MDH1B: variants seen among roughly 807,000 people sequenced by gnomAD.
MDH1B encodes the protein putative malate dehydrogenase 1B.
A neutral mutation model predicts 61.4 loss-of-function variants in MDH1B; 60 were observed. The ratio of observed to expected loss-of-function variants is 0.98; its 90% CI spans 0.79 to 1.21. The LOEUF (loss-of-function observed/expected upper bound fraction) is 1.21. Ranked by LOEUF, MDH1B falls within the 50% of genes most tolerant of loss-of-function variation. MDH1B has a pLI of 0.00. For missense variants in MDH1B, 587 were observed against 632.1 expected, an observed-to-expected ratio of 0.93 and a Z score of 0.76; for synonymous variants, 236 against 218.7, an observed-to-expected ratio of 1.08 and a Z score of -0.70.
rs1559345222 is a variant in MDH1B at position 206,755,472 on chromosome 2, G to C, written c.447C>G (p.Pro149=). 1 of 1,613,910 alleles carries C rather than the reference G, an allele frequency of 6.2e-7. No homozygotes were observed. The highest frequency in any genetic ancestry group is 1.1e-5 in the South Asian group (1 of 91,010). ...ASAPACYNLI[P]ILTSGEVFGM... ...CAAACACTTCGCCACTCGTCAATAT[G>C]GGAATTAGGTTGTAGCAGGCAGGAG... The change falls in exon 5 of 12, where the codon CCC becomes CCG. Residue 149 remains proline, a synonymous_variant. Transcript: ENST00000374412.
At chr2:206,754,443 G>A (rs57808141) in intron 5 of MDH1B, among the ~76,000 whole-genome samples, 17,870 of 152,088 alleles carry the variant, frequency 0.12, 1,470 homozygotes, top group African/African-American at 0.24. Flanking sequence ...AGCAGAAACC[G>A]ATCAGATATC....
At position 206,751,095 on chromosome 2, in the gene MDH1B, T is replaced by C. The variant is rs745422117; in HGVS notation, c.911-20A>G. ...TAATGTCTGTGAAGAATAGAAAGTT[T>C]AGAAAAATAATAATAATGTATGTTA... On this transcript the variant is annotated intron_variant, in intron 5 of 11. Coordinates refer to ENST00000374412, the MANE Select transcript of MDH1B (RefSeq NM_001039845.3). The C allele has an allele frequency of 2.7e-6, 4 of 1,489,200 alleles. No individual in the cohort carries two copies. Among genetic ancestry groups the C allele is most frequent in the Admixed American group, 2.2e-5 (1 of 46,170 alleles). The allele number at this position is 1,489,200 out of a possible 1,614,324, so 92.2% of individuals were successfully genotyped here.
rs144143282 is a variant in MDH1B, at chr2:206,749,389, C to T, written c.1053-206G>A. On this transcript the variant is annotated intron_variant, in intron 6 of 11. Coordinates refer to ENST00000374412, the MANE Select transcript of MDH1B (RefSeq NM_001039845.3). ...ATAGTGAAATGTAGTAGAAAGGAGT[C>T]CCAAGATGTCAAACTAAAAATATGA... 2.2e-3 allele frequency among the ~76,000 whole-genome samples: 342 copies of T among 152,106 alleles called. 2 individuals are homozygous for T. The highest frequency in any genetic ancestry group is 7.6e-3 in the African/African-American group (317 of 41,494).
chr2:206,759,330 C>T (rs1688957582), intron 2 of MDH1B, among the ~76,000 whole-genome samples: 1 of 152,170 alleles, frequency 6.6e-6, no homozygotes, highest in Non-Finnish European at 1.5e-5. Context: ...CTTTTCGTGG[C>T]TGTGTAGTAT....
intron 4 of MDH1B, chr2:206,756,668 T>C: frequency 2.0e-6 from 1 of 501,136 alleles, no homozygotes; most frequent in East Asian, 3.5e-5. Context: ...TTAGACCAAG[T>C]GACTGTGTTT....
At chr2:206,759,996 T>C (rs1688998186) in intron 2 of MDH1B, among the ~76,000 whole-genome samples, 1 of 152,224 alleles carries the variant, frequency 6.6e-6, no homozygotes, top group Non-Finnish European at 1.5e-5. Flanking sequence ...ATAGTTCATT[T>C]GACTATCCTT....
chr2:206,762,180 G>C (rs993195849), intron 1 of MDH1B, among the ~76,000 whole-genome samples: 22 of 152,192 alleles, frequency 1.4e-4, no homozygotes, highest in African/African-American at 4.8e-4. Flanking sequence ...TACTATTCCA[G>C]TCTTTTTCCT....
Position 206,746,408 on chromosome 2 carries a change from T to A in MDH1B, c.1235A>T (p.Lys412Ile). 1 of 1,613,314 alleles carries A rather than the reference T, an allele frequency of 6.2e-7. No homozygotes were observed. The highest frequency in any genetic ancestry group is 1.1e-5 in the South Asian group (1 of 90,922). Residue 412 changes from lysine to isoleucine, a missense_variant, in exon 8 of 12, where the codon AAA becomes ATA. By Grantham distance (102) the Lys-to-Ile change is moderately radical. Coordinates refer to ENST00000374412, the MANE Select transcript of MDH1B (RefSeq NM_001039845.3). ...ILSEGQFGIP[K>I]GIVFSMPVKF... ...CACAGGCATAGAAAAGACGATCCCT[T>A]TCGGAATACCAAACTGGCCTGCAGT...
chr2:206,750,908 A>G (rs1374085651), intron 6 of MDH1B, 26 bp downstream of exon 6: 5 of 1,543,528 alleles, frequency 3.2e-6, no homozygotes, highest in Admixed American at 2.0e-5. Flanking sequence ...CATTGTCAGT[A>G]TGCTTCACTT....
intron 2 of MDH1B, among the ~76,000 whole-genome samples, chr2:206,757,846 G>T (rs773206348): frequency 2.0e-5 from 3 of 152,050 alleles, no homozygotes; most frequent in African/African-American, 7.2e-5. Context: ...GGAGATTTCC[G>T]ACAATATTTA....
intron 1 of MDH1B, among the ~76,000 whole-genome samples, chr2:206,762,855 G>A (rs1363412881): frequency 6.6e-6 from 1 of 152,130 alleles, no homozygotes; most frequent in Non-Finnish European, 1.5e-5. Context: ...CTGCTATAGT[G>A]GGGGCATTCT....
rs1160396250 is a variant in MDH1B at position 206,746,881 on chromosome 2, G to C, written c.1217-455C>G. The stretch of plus-strand genomic sequence containing the variant: ...TTTGGTTATTCCTTTGCAGCCCCCA[G>C]TTTGCCATGTGTTTTGGTGTGCGTT... On this transcript the variant is annotated intron_variant, in intron 7 of 11. Coordinates refer to ENST00000374412, the MANE Select transcript of MDH1B (RefSeq NM_001039845.3). 2.6e-5 allele frequency among the ~76,000 whole-genome samples: 4 copies of C among 152,116 alleles called. No individual in the cohort carries two copies. The East Asian group carries it at 7.7e-4, about 29-fold the overall frequency.
intron 9 of MDH1B, chr2:206,741,403 G>C (rs1459951024): frequency 2.6e-6 from 1 of 385,362 alleles, no homozygotes; most frequent in African/African-American, 2.1e-5. Flanking sequence ...GTTGCCAAAG[G>C]AAATTAACAT....
chr2:206,759,113 TC>T (rs1355649541), intron 2 of MDH1B, among the ~76,000 whole-genome samples: 1 of 152,092 alleles, frequency 6.6e-6, no homozygotes, highest in Non-Finnish European at 1.5e-5. Context: ...TAGTTATTTC[TC>T]GTGATCTTCT....
In MDH1B at chr2:206,745,659, T is replaced by A; in HGVS notation, c.1371A>T (p.Ala457=). Residue 457 remains alanine, a synonymous_variant, in exon 9 of 12, where the codon GCA becomes GCT. Transcript: ENST00000374412. ...TSDLIQEKLV[A]LGDKIHFQPY... is the part of the protein sequence containing the mutation. Reference sequence around the variant, plus strand: ...GCTGAAAATGTATCTTGTCTCCAAGTGCAACAAGTTTCTCCTGTTGAAATT... The same window carrying A: ...GCTGAAAATGTATCTTGTCTCCAAGAGCAACAAGTTTCTCCTGTTGAAATT... 1 of 1,611,654 alleles carries A rather than the reference T, an allele frequency of 6.2e-7. No individual in the cohort carries two copies. The highest frequency in any genetic ancestry group is 8.5e-7 in the Non-Finnish European group (1 of 1,178,498).
intron 1 of MDH1B, among the ~76,000 whole-genome samples, chr2:206,762,131 T>C (rs1358486637): frequency 2.0e-5 from 3 of 152,032 alleles, no homozygotes; most frequent in Non-Finnish European, 4.4e-5. Flanking sequence ...TGGAGATCCC[T>C]CTGTTTCCCT....
intron 7 of MDH1B, 124 bp from the exon 8 acceptor site, chr2:206,746,550 AT>A: frequency 1.9e-6 from 2 of 1,062,154 alleles, no homozygotes; most frequent in African/African-American, 3.3e-5. Context: ...ATGGAATTAA[AT>A]TTCTCGGAAT....
intron 2 of MDH1B, among the ~76,000 whole-genome samples, chr2:206,760,464 A>G (rs1862088): frequency 0.39 from 59,804 of 151,868 alleles, 14,639 homozygotes; most frequent in East Asian, 0.76. Flanking sequence ...CAATCCTGCC[A>G]CCCTCATTCC....
chr2:206,755,545 C>T, intron 4 of MDH1B, 40 bp from the exon 5 acceptor site: 1 of 1,566,162 alleles, frequency 6.4e-7, no homozygotes, highest in Non-Finnish European at 8.6e-7. Context: ...TAGTTATATC[C>T]TTTGTCCCTT....
Sources: gnomAD v4.1 joint callset for allele counts (sites outside exome capture counted in the v4.1 genomes callset) on GRCh38, gnomAD v4.1.1 for gene constraint, MANE v1.5 for transcripts, NCBI Gene and HGNC (gene_info 2026-07-23, HGNC 2026-07-21) for gene names.